HSD17B3: variants seen among roughly 807,000 people sequenced by gnomAD.
The protein encoded by HSD17B3 is 17-beta-hydroxysteroid dehydrogenase type 3.
In HSD17B3, 29 loss-of-function variants were observed where a neutral mutation model predicts 41.1. The ratio of observed to expected loss-of-function variants is 0.71; its 90% CI spans 0.53 to 0.96. The LOEUF (loss-of-function observed/expected upper bound fraction) is 0.96, where lower values mean the gene tolerates loss of function less well. Ranked by LOEUF, HSD17B3 falls within the 40% of genes least tolerant of loss-of-function variation. The pLI, the probability that HSD17B3 is intolerant of heterozygous loss-of-function variation, is 0.00. For synonymous variants in HSD17B3, 126 were observed against 145.6 expected, an observed-to-expected ratio of 0.87 and a Z score of 0.97; for missense variants, 323 against 374.6, an observed-to-expected ratio of 0.86 and a Z score of 1.14.
At chr9:96,267,310 C>T (rs1826077891) in intron 2 of HSD17B3, among the ~76,000 whole-genome samples, 1 of 151,954 alleles carries the variant, frequency 6.6e-6, no homozygotes, top group African/African-American at 2.4e-5. Context: ...ACACATGCCA[C>T]CACGGCCAGC....
At chr9:96,248,211 G>A (rs1000949536) in intron 6 of HSD17B3, among the ~76,000 whole-genome samples, 6 of 152,026 alleles carry the variant, frequency 3.9e-5, no homozygotes, top group Admixed American at 1.3e-4. Flanking sequence ...CATCAGCTGG[G>A]GGCTCCAAAA....
In HSD17B3 at chr9:96,257,548, G is replaced by A. The variant is rs150571561; in HGVS notation, c.202-2605C>T. Among the ~76,000 whole-genome samples, 101 of 152,174 alleles carry A rather than the reference G, an allele frequency of 6.6e-4. No homozygotes were observed. In the East Asian group the frequency reaches 0.014, roughly 22 times the overall value. On this transcript the variant is annotated intron_variant, in intron 2 of 10. Coordinates refer to ENST00000375263, the MANE Select transcript of HSD17B3 (RefSeq NM_000197.2). ...CTATATAAATGACATTATAAGCAGT[G>A]TCCTGCAATATTCTTTTTAACTTAA...
chr9:96,258,167 T>C (rs1825737590), intron 2 of HSD17B3, among the ~76,000 whole-genome samples: 2 of 152,244 alleles, frequency 1.3e-5, no homozygotes, highest in Non-Finnish European at 2.9e-5. Flanking sequence ...ACTTTGTTTC[T>C]GGTGCCCTTG....
intron 2 of HSD17B3, among the ~76,000 whole-genome samples, chr9:96,293,019 A>G (rs1321911767): frequency 6.6e-6 from 1 of 152,230 alleles, no homozygotes; most frequent in Admixed American, 6.5e-5. Context: ...CTGCAGACCA[A>G]CCCTAAAATA....
chr9:96,260,107 T>C (rs1191190273), intron 2 of HSD17B3, among the ~76,000 whole-genome samples: 2 of 152,234 alleles, frequency 1.3e-5, no homozygotes, highest in Non-Finnish European at 2.9e-5. Context: ...CTGTCACTTC[T>C]GGTAGATATT....
chr9:96,240,797 A>G lies in HSD17B3; in HGVS notation c.783T>C (p.Ile261=), dbSNP rs1836408881. The G allele has an allele frequency of 1.9e-6, 3 of 1,614,132 alleles. No homozygotes were observed. In the Admixed American group the frequency reaches 5.0e-5, roughly 27 times the overall value. ...FVKESLNYVT[I]GGETCGCLAH... ...CAAGGCAGCCACAGGTTTCACCTCC[A>G]ATTGTGACATAATTCAATGACTCTT... Residue 261 remains isoleucine, a synonymous_variant, in exon 10 of 11, where the codon ATT becomes ATC. Transcript: ENST00000375263.
intron 2 of HSD17B3, among the ~76,000 whole-genome samples, chr9:96,274,090 C>T (rs149248793): frequency 3.4e-4 from 52 of 152,274 alleles, no homozygotes; most frequent in African/African-American, 1.2e-3. Context: ...AGATCTAAAA[C>T]TGTCTAACAA....
chr9:96,249,851 T>C, intron 5 of HSD17B3, 65 bp from the exon 6 acceptor site: 1 of 1,612,922 alleles, frequency 6.2e-7, no homozygotes, highest in Non-Finnish European at 8.5e-7. Context: ...GGAAAGTAGT[T>C]GGTGCTAAAG....
chr9:96,274,419 C>T (rs1449712817), intron 2 of HSD17B3, among the ~76,000 whole-genome samples: 2 of 152,122 alleles, frequency 1.3e-5, no homozygotes, highest in Non-Finnish European at 2.9e-5. Context: ...CGAGATTGCA[C>T]CACTGCACTA....
chr9:96,297,641 C>T (rs1827418225), intron 2 of HSD17B3, among the ~76,000 whole-genome samples: 1 of 152,044 alleles, frequency 6.6e-6, no homozygotes, highest in South Asian at 2.1e-4. Context: ...GCCACCGTGC[C>T]CAGCTGGTGT....
At chr9:96,301,733 T>A (rs1827618013) in intron 1 of HSD17B3, among the ~76,000 whole-genome samples, 1 of 147,550 alleles carries the variant, frequency 6.8e-6, no homozygotes, top group Non-Finnish European at 1.5e-5. Context: ...AAAACACCAT[T>A]AGCCAGGTGT....
chr9:96,263,966 T>C (rs1248587185), intron 2 of HSD17B3, among the ~76,000 whole-genome samples: 1 of 152,122 alleles, frequency 6.6e-6, no homozygotes, highest in African/African-American at 2.4e-5. Flanking sequence ...TTCATATTCT[T>C]TAAAATTGAT....
chr9:96,249,867 T>A, intron 5 of HSD17B3, 81 bp from the exon 6 acceptor site: 1 of 1,611,798 alleles, frequency 6.2e-7, no homozygotes, highest in Non-Finnish European at 8.5e-7. Flanking sequence ...TAAAGAACCA[T>A]GAAGTGGGCA....
At chr9:96,296,948 T>C (rs945211778) in intron 2 of HSD17B3, among the ~76,000 whole-genome samples, 1 of 151,826 alleles carries the variant, frequency 6.6e-6, no homozygotes, top group Non-Finnish European at 1.5e-5. Flanking sequence ...GGTGGGAGGA[T>C]TGCTTGAGCC....
At chr9:96,282,871 GA>G (rs1231225870) in intron 2 of HSD17B3, among the ~76,000 whole-genome samples, 3 of 151,472 alleles carry the variant, frequency 2.0e-5, no homozygotes, top group African/African-American at 7.3e-5. Flanking sequence ...GAAGGTTTGT[GA>G]AAAAAATTAA....
At chr9:96,270,931 GAGA>G (rs1267925403) in intron 2 of HSD17B3, among the ~76,000 whole-genome samples, 1 of 125,438 alleles carries the variant, frequency 8.0e-6, no homozygotes, top group Non-Finnish European at 1.6e-5. Context: ...CAAGTGTAGT[GAGA>G]AGATCTCTCA....
At chr9:96,270,956 G>GGT (rs1826222076) in intron 2 of HSD17B3, among the ~76,000 whole-genome samples, 1 of 139,686 alleles carries the variant, frequency 7.2e-6, no homozygotes, top group East Asian at 2.1e-4. Flanking sequence ...ATCCTCTCGG[G>GGT]GGGGGGGGTT....
intron 2 of HSD17B3, among the ~76,000 whole-genome samples, chr9:96,277,013 A>C (rs1254409072): frequency 6.6e-6 from 1 of 152,180 alleles, no homozygotes; most frequent in Non-Finnish European, 1.5e-5. Flanking sequence ...CATCCTGGCT[A>C]ACACAGTGAA....
At chr9:96,293,031 T>C (rs1450613376) in intron 2 of HSD17B3, among the ~76,000 whole-genome samples, 5 of 152,032 alleles carry the variant, frequency 3.3e-5, no homozygotes. Flanking sequence ...CCTAAAATAA[T>C]AGCTAAAGGA....
Sources: gnomAD v4.1 joint callset for allele counts (sites outside exome capture counted in the v4.1 genomes callset) on GRCh38, gnomAD v4.1.1 for gene constraint, MANE v1.5 for transcripts, NCBI Gene and HGNC (gene_info 2026-07-23, HGNC 2026-07-21) for gene names.